Variants in DAB2IP observed in about 807,000 individuals in gnomAD.
DAB2IP encodes the protein disabled homolog 2-interacting protein.
DAB2IP carries 28 observed loss-of-function variants against 107.2 expected under a neutral mutation model. That is an observed-to-expected ratio of 0.26 (90% CI 0.19 to 0.36). The LOEUF is 0.36. Ranked by LOEUF, DAB2IP falls within the 10% of genes least tolerant of loss-of-function variation. The probability of loss-of-function intolerance (pLI) is 1.00; values close to 1 mark genes in which losing one functional copy is unlikely to be tolerated. For synonymous variants in DAB2IP, 755 were observed against 706.4 expected (o/e 1.07, Z -1.09); for missense variants, 1,400 against 1,644.7 (o/e 0.85, Z 2.57).
rs1426531615 is a variant in DAB2IP at position 121,635,907 on chromosome 9, G to C, written c.41-42771G>C. 6.8e-5 allele frequency among the ~76,000 whole-genome samples: 4 copies of C among 58,490 alleles called. No homozygotes were observed. Among genetic ancestry groups the C allele is most frequent in the Non-Finnish European group, 1.2e-4 (4 of 32,032 alleles). 38.4% of individuals were successfully genotyped at this position (58,490 alleles called of 152,430 possible). A position where few individuals can be genotyped will look rare whatever the true frequency, so the allele number is the denominator to read the frequency against. ...AGTCCCCTGTTTAGATGTCTTTTTT[G>C]GGGGGGGGTCTGGGGGATGGAGTCT... On this transcript the variant is annotated intron_variant, in intron 1 of 16. Transcript: ENST00000259371. This position sits in a 1 kb window ranked among gnomAD's most constrained non-coding sequence, Gnocchi z 4.3.
At chr9:121,762,457 C>T (rs1462704979) in intron 6 of DAB2IP, among the ~76,000 whole-genome samples, 2 of 152,100 alleles carry the variant, frequency 1.3e-5, no homozygotes, top group African/African-American at 4.8e-5. Context: ...AAGGGGTCCT[C>T]AGGCCACATG....
At chr9:121,676,312 C>T (rs1833901654) in intron 1 of DAB2IP, among the ~76,000 whole-genome samples, 1 of 152,224 alleles carries the variant, frequency 6.6e-6, no homozygotes, top group Non-Finnish European at 1.5e-5. Flanking sequence ...AAAGCCTGCT[C>T]CTTGTGTGAA....
exon 12 of DAB2IP, chr9:121,773,322 C>G (rs754653629): frequency 6.5e-7 from 1 of 1,531,770 alleles, no homozygotes; most frequent in Non-Finnish European, 8.8e-7. Context: ...TCCTGCCCCC[C>G]GCGGCCGGAC....
At chr9:121,568,144 A>G (rs1829851323) in intron 1 of DAB2IP, among the ~76,000 whole-genome samples, 1 of 152,210 alleles carries the variant, frequency 6.6e-6, no homozygotes, top group African/African-American at 2.4e-5. Flanking sequence ...CTGAGACCAC[A>G]GTTCTACTAA....
intron 8 of DAB2IP, among the ~76,000 whole-genome samples, chr9:121,764,367 C>T (rs551386359): frequency 2.6e-5 from 4 of 152,338 alleles, no homozygotes; most frequent in Admixed American, 1.3e-4. Context: ...TGAAGTAGAA[C>T]GGGGTCTGCA....
At chr9:121,584,235 C>T (rs1203744377) in intron 1 of DAB2IP, among the ~76,000 whole-genome samples, 1 of 151,982 alleles carries the variant, frequency 6.6e-6, no homozygotes, top group Non-Finnish European at 1.5e-5. Flanking sequence ...AGCCACCACG[C>T]CCAGCCTCAA....
exon 16 of DAB2IP, chr9:121,785,423 A>G (rs573218334): frequency 6.5e-6 from 1 of 152,688 alleles, no homozygotes; most frequent in South Asian, 2.1e-4. Context: ...ACTTTTAACT[A>G]TGTAATAATG....
intron 3 of DAB2IP, among the ~76,000 whole-genome samples, chr9:121,716,241 ATGTAACACTGCC>A (rs1295897492): frequency 6.6e-6 from 1 of 152,154 alleles, no homozygotes; most frequent in Non-Finnish European, 1.5e-5. Context: ...CCTGGGCTGG[ATGTAACACTGCC>A]TGCTGCCAGC....
intron 3 of DAB2IP, among the ~76,000 whole-genome samples, chr9:121,730,106 C>T (rs1387512141): frequency 6.6e-6 from 1 of 152,126 alleles, no homozygotes; most frequent in Non-Finnish European, 1.5e-5. Context: ...CACTCCACCT[C>T]GCTGCCTCCC....
intron 1 of DAB2IP, among the ~76,000 whole-genome samples, chr9:121,641,794 G>GCCTA (rs1196486600): frequency 7.0e-6 from 1 of 142,368 alleles, no homozygotes; most frequent in Admixed American, 7.1e-5. Context: ...CTGCCTGCCT[G>GCCTA]CCTACCTTCC....
chr9:121,614,068 C>T (rs1023457086), intron 1 of DAB2IP, among the ~76,000 whole-genome samples: 3 of 152,294 alleles, frequency 2.0e-5, no homozygotes, highest in African/African-American at 2.4e-5. Context: ...GAATTAACTG[C>T]GGCCACTTAA....
At chr9:121,632,010 G>A (rs1376145143) in intron 1 of DAB2IP, among the ~76,000 whole-genome samples, 1 of 151,932 alleles carries the variant, frequency 6.6e-6, no homozygotes, top group African/African-American at 2.4e-5. Flanking sequence ...CATCTGATGG[G>A]GAATGTGGAG....
At chr9:121,758,725 A>G (rs1291798169) in intron 4 of DAB2IP, among the ~76,000 whole-genome samples, 173 bp from the exon 5 acceptor site, 2 of 152,122 alleles carry the variant, frequency 1.3e-5, no homozygotes, top group Non-Finnish European at 2.9e-5. Context: ...CAAGTGTACC[A>G]CCTGCAAAAC....
intron 1 of DAB2IP, among the ~76,000 whole-genome samples, chr9:121,588,610 GAGGGA>G (rs372955084): frequency 4.7e-4 from 26 of 54,970 alleles, no homozygotes; most frequent in African/African-American, 1.6e-3. Flanking sequence ...GAATGGGGAA[GAGGGA>G]AGGGAAGGGA....
intron 4 of DAB2IP, among the ~76,000 whole-genome samples, chr9:121,758,434 G>A (rs1346999537): frequency 1.3e-5 from 2 of 152,196 alleles, no homozygotes; most frequent in African/African-American, 4.8e-5. Flanking sequence ...AGAACCCTCA[G>A]AGTTGTCAGC....
At position 121,616,927 on chromosome 9, in the gene DAB2IP, G is replaced by A. The variant is rs115247966; in HGVS notation, c.40+49699G>A. 4.6e-3 allele frequency among the ~76,000 whole-genome samples: 699 copies of A among 152,348 alleles called. 8 individuals are homozygous for A. The highest frequency in any genetic ancestry group is 0.016 in the African/African-American group (670 of 41,590). On this transcript the variant is annotated intron_variant, in intron 1 of 16. Transcript: ENST00000259371. The stretch of plus-strand genomic sequence containing the variant: ...CAGGCACTGCTGTCCCCTGGGAGAA[G>A]AGGGCTGGCCAGGGCACCTGGCTTA...
At chr9:121,735,752 G>A (rs946954086) in intron 3 of DAB2IP, among the ~76,000 whole-genome samples, 2 of 152,294 alleles carry the variant, frequency 1.3e-5, no homozygotes, top group African/African-American at 4.8e-5. Context: ...ATACCATTGC[G>A]GTGGCTTCTC....
chr9:121,760,077 A>T lies in DAB2IP; in HGVS notation c.808A>T (p.Thr270Ser). The T allele has an allele frequency of 6.2e-7, 1 of 1,613,960 alleles. No individual in the cohort carries two copies. Among genetic ancestry groups the T allele is most frequent in the African/African-American group, 1.3e-5 (1 of 75,000 alleles). The change falls in exon 6 of 16, where the codon ACG becomes TCG. Residue 270 changes from threonine to serine, a missense_variant. Around this residue, in one of 3 missense-constraint regions of DAB2IP, gnomAD observed 517 missense variants for 748.6 expected, o/e 0.69. Coordinates refer to ENST00000408936, the Ensembl canonical transcript of DAB2IP. The surrounding 1 kb of genome is among the most constrained non-coding windows in gnomAD (Gnocchi z 5.9). ...GTTCCACAACTTGCCGCCTCTGCGC[A>T]CGGTCACTGTCCACCTGTACCGGGA... is the stretch of plus-strand genomic sequence containing the variant.
At chr9:121,579,737 A>C (rs1830148578) in intron 1 of DAB2IP, among the ~76,000 whole-genome samples, 4 of 151,988 alleles carry the variant, frequency 2.6e-5, no homozygotes, top group Admixed American at 2.6e-4. Context: ...TTGGAGCTTC[A>C]TCTCTGTGGC....
Sources: gnomAD v4.1 joint callset for allele counts (sites outside exome capture counted in the v4.1 genomes callset) on GRCh38, gnomAD v4.1.1 for gene constraint, gnomAD v4.1.1 regional missense constraint, Gnocchi (gnomAD v3.1) non-coding constraint, MANE v1.5 for transcripts, NCBI Gene and HGNC (gene_info 2026-07-23, HGNC 2026-07-21) for gene names.